DLG2: variants seen among roughly 807,000 people sequenced by gnomAD.
The protein encoded by DLG2 is discs large MAGUK scaffold protein 2.
Under a neutral mutation model 132.5 loss-of-function variants are expected in DLG2, and 45 were observed. The observed-to-expected ratio is 0.34, with a 90% CI of 0.27 to 0.44. The LOEUF (loss-of-function observed/expected upper bound fraction) is 0.44. Among genes scored for constraint, DLG2 ranks in the 20% least tolerant of loss-of-function variants. DLG2 has a pLI of 1.00. For synonymous variants in DLG2, 424 were observed against 419.6 expected (o/e 1.01, Z -0.13); for missense variants, 1,045 against 1,196.9 (o/e 0.87, Z 1.87).
At chr11:83,660,997 A>G (rs2074119920) in intron 18 of DLG2, among the ~76,000 whole-genome samples, 1 of 152,104 alleles carries the variant, frequency 6.6e-6, no homozygotes, top group Non-Finnish European at 1.5e-5. Context: ...GACTGATATT[A>G]CTCTACAACA....
chr11:85,156,911 C>T (rs961065426), intron 4 of DLG2, among the ~76,000 whole-genome samples: 1 of 152,144 alleles, frequency 6.6e-6, no homozygotes, highest in African/African-American at 2.4e-5. Flanking sequence ...TACTGAGTGT[C>T]AACTTGATTG....
At chr11:85,065,580 C>T (rs549228723) in intron 6 of DLG2, among the ~76,000 whole-genome samples, 15 of 150,852 alleles carry the variant, frequency 9.9e-5, no homozygotes, top group Admixed American at 9.3e-4. Flanking sequence ...TTTTATTATA[C>T]TTTAAGTTCT....
intron 20 of DLG2, among the ~76,000 whole-genome samples, chr11:83,541,001 G>C (rs765025174): frequency 6.6e-6 from 1 of 152,058 alleles, no homozygotes; most frequent in Non-Finnish European, 1.5e-5. Context: ...CTTTTCAAAA[G>C]CAGAGCTGAA....
chr11:84,942,228 T>G (rs2049533962), intron 6 of DLG2, among the ~76,000 whole-genome samples: 1 of 152,204 alleles, frequency 6.6e-6, no homozygotes, highest in African/African-American at 2.4e-5. Flanking sequence ...TTGTTTCAAT[T>G]TCATCTATTT....
intron 6 of DLG2, among the ~76,000 whole-genome samples, chr11:84,787,081 G>A (rs11821444): frequency 0.014 from 2,142 of 152,270 alleles, 61 homozygotes; most frequent in African/African-American, 0.048. Flanking sequence ...GAGAAACAAT[G>A]ACTTTTTTGC....
chr11:84,214,374 T>C (rs986327499), intron 8 of DLG2, among the ~76,000 whole-genome samples: 10 of 150,472 alleles, frequency 6.6e-5, no homozygotes, highest in African/African-American at 2.2e-4. Flanking sequence ...CAAACATACA[T>C]ATAAATATGT....
chr11:84,843,742 G>C (rs537179235), intron 6 of DLG2, among the ~76,000 whole-genome samples: 1 of 151,770 alleles, frequency 6.6e-6, no homozygotes, highest in African/African-American at 2.4e-5. Flanking sequence ...TTTAGGGAAT[G>C]ATGACAAGAA....
chr11:83,556,373 T>A, intron 19 of DLG2, among the ~76,000 whole-genome samples: 1 of 117,602 alleles, frequency 8.5e-6, no homozygotes, highest in Non-Finnish European at 1.7e-5. Flanking sequence ...TTGTCCTTTT[T>A]CTTTCTTTTT....
intron 11 of DLG2, among the ~76,000 whole-genome samples, chr11:84,012,611 CAG>C (rs2094948019): frequency 6.6e-6 from 1 of 152,076 alleles, no homozygotes; most frequent in South Asian, 2.1e-4. Context: ...TCAAAATATT[CAG>C]AGTTTCAAAA....
intron 18 of DLG2, among the ~76,000 whole-genome samples, chr11:83,768,825 A>G (rs2094256192): frequency 1.3e-5 from 2 of 152,178 alleles, no homozygotes; most frequent in African/African-American, 4.8e-5. Flanking sequence ...ATAGGTGAGG[A>G]CCCAGAGATT....
At chr11:85,570,572 C>G (rs539290503) in intron 3 of DLG2, among the ~76,000 whole-genome samples, 1 of 149,590 alleles carries the variant, frequency 6.7e-6, no homozygotes, top group South Asian at 2.1e-4. Context: ...TTTGAGTTTA[C>G]TCTACTTGGG....
chr11:85,321,650 G>A (rs957186245), intron 3 of DLG2, among the ~76,000 whole-genome samples: 1 of 152,036 alleles, frequency 6.6e-6, no homozygotes, highest in Admixed American at 6.6e-5. Context: ...CAGTGAAGTA[G>A]GAGGACAAGC....
intron 7 of DLG2, among the ~76,000 whole-genome samples, chr11:84,497,392 T>G (rs1002924967): frequency 6.6e-6 from 1 of 152,122 alleles, no homozygotes; most frequent in Non-Finnish European, 1.5e-5. Context: ...CTGTACCCTA[T>G]GGACCCTATA....
chr11:83,905,496 T>C (rs2074492071), intron 15 of DLG2, among the ~76,000 whole-genome samples: 2 of 152,202 alleles, frequency 1.3e-5, no homozygotes, highest in African/African-American at 4.8e-5. Flanking sequence ...TGATGGCTTA[T>C]ATATGGTATG....
intron 7 of DLG2, chr11:84,437,338 A>C (rs2099003785): frequency 6.6e-6 from 1 of 152,216 alleles, no homozygotes; most frequent in African/African-American, 2.4e-5. Flanking sequence ...GGTCCAGAGC[A>C]GGCAGTTGGC....
At chr11:85,565,243 C>A (rs2077467074) in intron 3 of DLG2, among the ~76,000 whole-genome samples, 1 of 151,950 alleles carries the variant, frequency 6.6e-6, no homozygotes, top group Admixed American at 6.6e-5. Context: ...GCTAGGTTCT[C>A]TAGCCAGTGA....
intron 6 of DLG2, among the ~76,000 whole-genome samples, chr11:84,990,243 C>G (rs117114207): frequency 6.6e-6 from 1 of 152,306 alleles, no homozygotes; most frequent in East Asian, 1.9e-4. Context: ...CACATAAAGA[C>G]GTTCATCATC....
At chr11:84,244,885 C>A (rs1386772423) in intron 8 of DLG2, among the ~76,000 whole-genome samples, 1 of 152,136 alleles carries the variant, frequency 6.6e-6, no homozygotes, top group Non-Finnish European at 1.5e-5. Context: ...CCATCAGAGG[C>A]AATTATGGAA....
intron 4 of DLG2, among the ~76,000 whole-genome samples, chr11:85,225,137 G>A (rs145537110): frequency 2.0e-4 from 31 of 151,790 alleles, no homozygotes; most frequent in African/African-American, 7.5e-4. Context: ...AAAATAAATC[G>A]AGCGGGAGAG....
Sources: gnomAD v4.1 joint callset for allele counts (sites outside exome capture counted in the v4.1 genomes callset) on GRCh38, gnomAD v4.1.1 for gene constraint, MANE v1.5 for transcripts, NCBI Gene and HGNC (gene_info 2026-07-23, HGNC 2026-07-21) for gene names.